PHF24: variants seen among roughly 807,000 people sequenced by gnomAD.
PHF24 encodes the protein Galpha inhibitory interacting protein.
PHF24 carries 25 observed loss-of-function variants against 42.6 expected under a neutral mutation model. That is an observed-to-expected ratio of 0.59 (90% CI 0.43 to 0.82). The LOEUF (loss-of-function observed/expected upper bound fraction) is 0.82, where lower values mean the gene tolerates loss of function less well. Ranked by LOEUF, PHF24 falls within the 40% of genes least tolerant of loss-of-function variation. The pLI, the probability that PHF24 is intolerant of heterozygous loss-of-function variation, is 0.00. For synonymous variants in PHF24, 185 were observed against 204.8 expected (o/e 0.90, Z 0.83); for missense variants, 470 against 538.1 (o/e 0.87, Z 1.25).
chr9:34,665,717 C>A, the PHF24 span: 4 of 699,992 alleles, frequency 5.7e-6, no homozygotes, highest in African/African-American at 7.0e-5. Flanking sequence ...GATTCCCTAG[C>A]CCCAGGTCCC....
upstream of PHF24, among the ~76,000 whole-genome samples, chr9:34,955,008 A>T (rs1382333230): frequency 6.6e-6 from 1 of 152,216 alleles, no homozygotes; most frequent in Non-Finnish European, 1.5e-5. Context: ...TTTAAGTATT[A>T]TTTTTTAACA....
At chr9:34,744,148 A>C in the PHF24 span, among the ~76,000 whole-genome samples, 3 of 152,110 alleles carry the variant, frequency 2.0e-5, no homozygotes, top group African/African-American at 7.2e-5. Context: ...AAACCATAGC[A>C]CCCTGTTTCT....
exon 2 of PHF24, chr9:34,971,366 C>T: frequency 6.2e-7 from 1 of 1,614,078 alleles, no homozygotes; most frequent in Non-Finnish European, 8.5e-7. Flanking sequence ...GCTGTGTCTG[C>T]TTTCAAGGAT....
the PHF24 span, among the ~76,000 whole-genome samples, chr9:34,735,565 C>G: frequency 5.5e-3 from 840 of 151,794 alleles, 12 homozygotes; most frequent in African/African-American, 0.019. Flanking sequence ...CTTTGGGAGG[C>G]CTTGGCTGGT....
the PHF24 span, among the ~76,000 whole-genome samples, chr9:34,782,771 T>C: frequency 6.6e-6 from 1 of 152,274 alleles, no homozygotes; most frequent in Admixed American, 6.5e-5. Context: ...ACACCCAACC[T>C]ACTGTTTGAT....
the PHF24 span, among the ~76,000 whole-genome samples, chr9:34,872,427 G>T: frequency 1.4e-5 from 2 of 141,974 alleles, no homozygotes; most frequent in African/African-American, 5.2e-5. Flanking sequence ...TCATTGTTCA[G>T]TTCCCACCTA....
the PHF24 span, among the ~76,000 whole-genome samples, chr9:34,794,392 TA>T: frequency 6.6e-6 from 1 of 152,132 alleles, no homozygotes; most frequent in African/African-American, 2.4e-5. Context: ...CAAAGTCCCA[TA>T]AAATAATACT....
chr9:34,677,562 A>AGT, the PHF24 span, among the ~76,000 whole-genome samples: 1 of 151,754 alleles, frequency 6.6e-6, no homozygotes, highest in Non-Finnish European at 1.5e-5. Flanking sequence ...ACGCCTGGCT[A>AGT]ATTTTTTGTA....
At chr9:34,787,592 G>A in the PHF24 span, among the ~76,000 whole-genome samples, 1 of 152,204 alleles carries the variant, frequency 6.6e-6, no homozygotes, top group African/African-American at 2.4e-5. Context: ...ATGAAGGTAA[G>A]GGCAGCTATT....
At chr9:34,931,615 T>C in the PHF24 span, among the ~76,000 whole-genome samples, 2 of 152,128 alleles carry the variant, frequency 1.3e-5, no homozygotes, top group East Asian at 1.9e-4. Flanking sequence ...AAGAAGTGTG[T>C]GGCCCCTCCC....
chr9:34,742,949 GTC>G, the PHF24 span, among the ~76,000 whole-genome samples: 1 of 138,528 alleles, frequency 7.2e-6, no homozygotes, highest in Non-Finnish European at 1.6e-5. Context: ...TTGATGTATT[GTC>G]TGTGGCTGCT....
At chr9:34,874,980 T>TTTTTCAAGTTA in the PHF24 span, among the ~76,000 whole-genome samples, 1 of 152,162 alleles carries the variant, frequency 6.6e-6, no homozygotes, top group Non-Finnish European at 1.5e-5. Context: ...TATTAACACA[T>TTTTTCAAGTTA]TTTTCAAGTT....
At chr9:34,764,271 T>C in the PHF24 span, among the ~76,000 whole-genome samples, 1 of 152,062 alleles carries the variant, frequency 6.6e-6, no homozygotes, top group Non-Finnish European at 1.5e-5. Flanking sequence ...TCAGAAGGAA[T>C]GGTACCAGTT....
At chr9:34,931,775 A>G in the PHF24 span, among the ~76,000 whole-genome samples, 6 of 152,096 alleles carry the variant, frequency 3.9e-5, no homozygotes, top group African/African-American at 1.2e-4. Flanking sequence ...TCTTTTCTTT[A>G]TAAACAACCC....
At chr9:34,930,252 C>T in the PHF24 span, among the ~76,000 whole-genome samples, 8 of 152,062 alleles carry the variant, frequency 5.3e-5, no homozygotes, top group Non-Finnish European at 8.8e-5. Context: ...TCTCTTGTGT[C>T]GGGGATAACC....
At chr9:34,709,519 C>T in the PHF24 span, 1 of 1,614,120 alleles carries the variant, frequency 6.2e-7, no homozygotes, top group Non-Finnish European at 8.5e-7. Flanking sequence ...CCTTTGGAGC[C>T]CTTTCCTTTC....
chr9:34,755,767 A>T, the PHF24 span, among the ~76,000 whole-genome samples: 1 of 152,066 alleles, frequency 6.6e-6, no homozygotes, highest in Non-Finnish European at 1.5e-5. Flanking sequence ...TGCCTCAGCC[A>T]CCCAATAGCA....
At chr9:34,827,451 G>A in the PHF24 span, among the ~76,000 whole-genome samples, 1 of 152,156 alleles carries the variant, frequency 6.6e-6, no homozygotes, top group East Asian at 1.9e-4. Flanking sequence ...TTCAGAGCAG[G>A]GACATATCCA....
chr9:34,770,093 G>A, the PHF24 span, among the ~76,000 whole-genome samples: 1 of 152,022 alleles, frequency 6.6e-6, no homozygotes, highest in South Asian at 2.1e-4. Flanking sequence ...AGTGTGTTTT[G>A]CATAGTATAA....
Sources: allele counts gnomAD v4.1 joint callset (sites outside exome capture counted in the v4.1 genomes callset), GRCh38; gene constraint gnomAD v4.1.1; transcripts MANE v1.5; gene names NCBI Gene and HGNC (gene_info 2026-07-23, HGNC 2026-07-21).